The following STRN variants were observed in gnomAD, a reference collection of about 807,000 sequenced individuals.
STRN encodes striatin.
A neutral mutation model predicts 96.3 loss-of-function variants in STRN; 53 were observed. The observed-to-expected ratio is 0.55, with a 90% CI of 0.44 to 0.69. The LOEUF (loss-of-function observed/expected upper bound fraction) is 0.69. Among genes scored for constraint, STRN ranks in the 30% least tolerant of loss-of-function variants. The pLI is 0.00. For missense variants in STRN, 987 were observed against 963.9 expected (o/e 1.02, Z -0.32); for synonymous variants, 428 against 355.9 (o/e 1.20, Z -2.28).
Position 36,843,692 on chromosome 2 carries a change from C to T in STRN, c.*5764G>A, listed in dbSNP as rs960270343. Reference sequence around the variant, plus strand: ...CTGCACCCCTCTACAACTCCTCCCCCAAAAGCCCCAAATCAGACTATGTTA... The same window carrying T: ...CTGCACCCCTCTACAACTCCTCCCCTAAAAGCCCCAAATCAGACTATGTTA... On this transcript the variant is annotated 3_prime_UTR_variant, in exon 18 of 18. Coordinates refer to ENST00000263918, the MANE Select transcript of STRN (RefSeq NM_003162.4). 6.6e-6 allele frequency: 1 copy of T among 152,122 alleles called. No homozygotes were observed. Among genetic ancestry groups the T allele is most frequent in the African/African-American group, 2.4e-5 (1 of 41,422 alleles). The allele number at this position is 152,122 out of a possible 1,614,324, so 9.4% of individuals were successfully genotyped here.
At chr2:36,853,333 A>G (rs1240990858) in intron 15 of STRN, among the ~76,000 whole-genome samples, 2 of 152,212 alleles carry the variant, frequency 1.3e-5, no homozygotes, top group Non-Finnish European at 1.5e-5. Flanking sequence ...GTCCAGCAAG[A>G]GAATAACAGT....
chr2:36,915,661 G>T (rs13025086), intron 3 of STRN, among the ~76,000 whole-genome samples: 5,544 of 152,262 alleles, frequency 0.036, 135 homozygotes, highest in Non-Finnish European at 0.056. Flanking sequence ...TTTTTGGGAT[G>T]AGGAATTCCT....
At chr2:36,960,939 C>T (rs1248039378) in intron 1 of STRN, among the ~76,000 whole-genome samples, 1 of 151,954 alleles carries the variant, frequency 6.6e-6, no homozygotes, top group African/African-American at 2.4e-5. Flanking sequence ...CTCTGGCACC[C>T]AGGCTAGAGT....
intron 1 of STRN, among the ~76,000 whole-genome samples, chr2:36,943,189 AAAAC>A (rs1670889664): frequency 1.3e-5 from 2 of 152,104 alleles, no homozygotes; most frequent in Admixed American, 1.3e-4. Context: ...TAGAAGGAAA[AAAAC>A]AAACTTTACG....
At chr2:36,955,133 G>A (rs542627402) in intron 1 of STRN, among the ~76,000 whole-genome samples, 1 of 152,300 alleles carries the variant, frequency 6.6e-6, no homozygotes, top group South Asian at 2.1e-4. Flanking sequence ...GGCTCCTTCA[G>A]GTCAGAAGCA....
chr2:36,907,303 A>C (rs2148206889), intron 3 of STRN, among the ~76,000 whole-genome samples: 1 of 152,316 alleles, frequency 6.6e-6, no homozygotes, highest in East Asian at 1.9e-4. Context: ...TAATCCCAGC[A>C]CTTTGGGAGG....
intron 11 of STRN, among the ~76,000 whole-genome samples, chr2:36,868,556 C>T (rs1359453984): frequency 2.0e-5 from 3 of 152,170 alleles, no homozygotes; most frequent in South Asian, 2.1e-4. Context: ...ATCGCAGTTA[C>T]GCATAGACAT....
At chr2:36,932,747 G>A (rs557360617) in intron 1 of STRN, among the ~76,000 whole-genome samples, 1 of 152,198 alleles carries the variant, frequency 6.6e-6, no homozygotes, top group South Asian at 2.1e-4. Context: ...TGCTATAGGA[G>A]ATACTGGTAT....
chr2:36,920,444 G>A (rs1294920469), intron 2 of STRN, among the ~76,000 whole-genome samples: 4 of 151,924 alleles, frequency 2.6e-5, no homozygotes. Flanking sequence ...TTCGAAACCA[G>A]TCTAACCAAC....
chr2:36,849,678 AAGG>A (rs778240791), intron 17 of STRN, 33 bp downstream of exon 17: 1 of 1,613,626 alleles, frequency 6.2e-7, no homozygotes, highest in Admixed American at 1.7e-5. Flanking sequence ...TGAAAATGGT[AAGG>A]ACAAATAAAT....
At chr2:36,899,709 TAAG>T (rs750041826) in intron 5 of STRN, 51 bp from the exon 6 acceptor site, 201 of 1,493,346 alleles carry the variant, frequency 1.3e-4, no homozygotes, top group Non-Finnish European at 1.7e-4. Context: ...AACTTCGACA[TAAG>T]AAGTAACCCA....
intron 1 of STRN, among the ~76,000 whole-genome samples, chr2:36,938,504 T>C (rs1457532013): frequency 2.0e-5 from 3 of 152,042 alleles, no homozygotes; most frequent in Admixed American, 6.6e-5. Context: ...AGTACTAGTA[T>C]AGCTCAAACC....
intron 3 of STRN, among the ~76,000 whole-genome samples, chr2:36,907,461 T>A (rs1474449955): frequency 6.6e-6 from 1 of 151,724 alleles, no homozygotes; most frequent in East Asian, 1.9e-4. Flanking sequence ...GGCAGAAGAA[T>A]CGCTTGAACC....
In STRN at chr2:36,863,554, T is replaced by A. The variant is rs185775769; in HGVS notation, c.1548-2301A>T. 4.6e-5 allele frequency among the ~76,000 whole-genome samples: 7 copies of A among 152,348 alleles called. No individual in the cohort carries two copies. The East Asian group carries it at 5.8e-4, about 13-fold the overall frequency. ...TGCTTCTGTTTTTGTACCAGTACCA[T>A]GATGTTTTGGTTACTACAGCCCTGT... On this transcript the variant is annotated intron_variant, in intron 12 of 17. Transcript: ENST00000263918.
In STRN at chr2:36,843,135, A is replaced by T. The variant is rs1453085134; in HGVS notation, c.*6321T>A. 6.6e-6 allele frequency among the ~76,000 whole-genome samples: 1 copy of T among 152,192 alleles called. No homozygotes were observed. The highest frequency in any genetic ancestry group is 6.6e-5 in the Admixed American group (1 of 15,254). ...AATCATGTCTCAGTTCTCATTAAAAAGATAAAAGAGGTGTTTCCAACACTA... is the reference window on the plus strand; with the variant it reads ...AATCATGTCTCAGTTCTCATTAAAATGATAAAAGAGGTGTTTCCAACACTA... On this transcript the variant is annotated 3_prime_UTR_variant, in exon 18 of 18. Transcript: ENST00000263918.
intron 1 of STRN, among the ~76,000 whole-genome samples, chr2:36,928,307 CG>C (rs1384078572): frequency 6.7e-6 from 1 of 149,868 alleles, no homozygotes; most frequent in Non-Finnish European, 1.5e-5. Context: ...ACATAAAAGA[CG>C]AAAACAGCAA....
At chr2:36,946,241 T>C (rs1297620558) in intron 1 of STRN, among the ~76,000 whole-genome samples, 1 of 151,068 alleles carries the variant, frequency 6.6e-6, no homozygotes. Flanking sequence ...TCCAGTTGAT[T>C]TTTTTCTACC....
chr2:36,940,662 C>A (rs2148252747), intron 1 of STRN, among the ~76,000 whole-genome samples: 1 of 151,360 alleles, frequency 6.6e-6, no homozygotes, highest in East Asian at 1.9e-4. Context: ...CCCATCTCTA[C>A]TAAAAATAAA....
At position 36,897,167 on chromosome 2, in the gene STRN, CA is replaced by C. The variant is rs1227836720; in HGVS notation, c.795+2355del. Among the ~76,000 whole-genome samples, 355 of 134,202 alleles carry C rather than the reference CA, an allele frequency of 2.6e-3. 5 individuals carry two copies. Among genetic ancestry groups the C allele is most frequent in the African/African-American group, 8.5e-3 (310 of 36,372 alleles). The allele number at this position is 134,202 out of a possible 152,430, so 88.0% of individuals were successfully genotyped here. A position where few individuals can be genotyped will look rare whatever the true frequency, so the allele number is the denominator to read the frequency against. The stretch of plus-strand genomic sequence containing the variant: ...GGGCAACAAGAGTGAAACTCCGTCT[CA>C]AAAAAAAAAAGAAAAATAAAATAAA... On this transcript the variant is annotated intron_variant, in intron 6 of 17. Coordinates refer to ENST00000263918, the MANE Select transcript of STRN (RefSeq NM_003162.4).
Sources: allele counts gnomAD v4.1 joint callset (sites outside exome capture counted in the v4.1 genomes callset), GRCh38; gene constraint gnomAD v4.1.1; transcripts MANE v1.5; gene names NCBI Gene and HGNC (gene_info 2026-07-23, HGNC 2026-07-21).